Variants in ATRNL1 observed in about 807,000 individuals in gnomAD.
ATRNL1 encodes attractin like 1.
Under a neutral mutation model 182.7 loss-of-function variants are expected in ATRNL1, and 95 were observed. That is an observed-to-expected ratio of 0.52 (90% CI 0.44 to 0.62). The LOEUF (loss-of-function observed/expected upper bound fraction) is 0.62. ATRNL1 is among the 20% of genes least tolerant of loss of function. The pLI is 0.00. For missense variants in ATRNL1, 1,471 were observed against 1,679.5 expected (o/e 0.88, Z 2.17); for synonymous variants, 576 against 568.3 (o/e 1.01, Z -0.19).
chr10:115,881,863 C>A (rs1357519665), intron 28 of ATRNL1, among the ~76,000 whole-genome samples: 1 of 152,164 alleles, frequency 6.6e-6, no homozygotes, highest in Non-Finnish European at 1.5e-5. Flanking sequence ...CCAGGACCTA[C>A]CATTAAATAG....
chr10:115,613,391 C>T (rs969239611), intron 26 of ATRNL1, among the ~76,000 whole-genome samples: 5 of 152,194 alleles, frequency 3.3e-5, no homozygotes, highest in African/African-American at 7.2e-5. Context: ...TGTATTATTG[C>T]GTGTAATCTT....
At chr10:115,222,541 C>T (rs1849508963) in intron 9 of ATRNL1, among the ~76,000 whole-genome samples, 1 of 151,876 alleles carries the variant, frequency 6.6e-6, no homozygotes, top group South Asian at 2.1e-4. Flanking sequence ...AACATGAAGA[C>T]AAAAATTTCA....
At chr10:115,222,835 A>C (rs576979232) in intron 9 of ATRNL1, among the ~76,000 whole-genome samples, 31 of 152,360 alleles carry the variant, frequency 2.0e-4, no homozygotes, top group African/African-American at 7.5e-4. Flanking sequence ...ATGATCCCAG[A>C]TACTGGATGG....
intron 8 of ATRNL1, among the ~76,000 whole-genome samples, chr10:115,211,649 A>G (rs781956680): frequency 6.6e-6 from 1 of 151,732 alleles, no homozygotes; most frequent in African/African-American, 2.4e-5. Context: ...TTTAGAGTAC[A>G]TGTGCACAAT....
In ATRNL1 at chr10:115,526,458, ACT is replaced by A. The variant is rs144353908; in HGVS notation, c.3716+7139_3716+7140del. ...AACATAATGATAATCATTCTACTCC[ACT>A]CTCTTTTGAAGGTGTTTTCCCCATC... is the stretch of plus-strand genomic sequence containing the variant. On this transcript the variant is annotated intron_variant, in intron 25 of 28. Coordinates refer to ENST00000355044, the MANE Select transcript of ATRNL1 (RefSeq NM_207303.4). Among the ~76,000 whole-genome samples the A allele has an allele frequency of 4.9e-3, 736 of 151,732 alleles. 13 individuals are homozygous for A. The highest frequency in any genetic ancestry group is 0.017 in the African/African-American group (708 of 41,360).
chr10:115,715,894 C>A (rs1440608321), intron 26 of ATRNL1, among the ~76,000 whole-genome samples: 3 of 152,162 alleles, frequency 2.0e-5, no homozygotes, highest in Admixed American at 2.0e-4. Flanking sequence ...GACTTAGTAA[C>A]CTCCAGTATT....
rs1554918828 is a variant in ATRNL1, at chr10:115,286,246, T to G, written c.2264T>G (p.Ile755Ser). The change falls in exon 15 of 29, where the codon ATT becomes AGT. Residue 755 changes from isoleucine (I) to serine (S), a missense_variant. Physicochemically the swap from Ile to Ser is moderately radical, Grantham distance 142. This residue lies in a region of ATRNL1 where 1,031 missense variants were observed against 1,156.0 expected (regional missense o/e 0.89). Transcript: ENST00000355044. ...CTTTGTGGAGAAGGATGGAGTCATA[T>G]TGGGGATGCTTGTCTTAGAGTCAAT... ...AHLCGEGWSH[I>S]GDACLRVNSS... The G allele has an allele frequency of 6.3e-7, 1 of 1,593,854 alleles. No individual in the cohort carries two copies. The highest frequency in any genetic ancestry group is 1.7e-5 in the Admixed American group (1 of 59,458).
intron 26 of ATRNL1, among the ~76,000 whole-genome samples, chr10:115,611,054 C>CTTTTTTTTTTTTT (rs3086300): frequency 1.4e-5 from 2 of 147,048 alleles, no homozygotes; most frequent in African/African-American, 2.5e-5. Flanking sequence ...TTTCAAAGGA[C>CTTTTTTTTTTTTT]TTTTTTTTTT....
rs369610666 is a variant in ATRNL1, at chr10:115,753,862, G to A, written c.3903+26507G>A. ...GTTGTTTCCTGACTTTTTAATGATCGCCATTCTAACTGATGTGAGATGGTA... is the reference window on the plus strand; with the variant it reads ...GTTGTTTCCTGACTTTTTAATGATCACCATTCTAACTGATGTGAGATGGTA... On this transcript the variant is annotated intron_variant, in intron 27 of 28. Coordinates refer to ENST00000355044, the MANE Select transcript of ATRNL1 (RefSeq NM_207303.4). 7.2e-5 allele frequency among the ~76,000 whole-genome samples: 11 copies of A among 152,092 alleles called. No homozygotes were observed. In the South Asian group the frequency reaches 1.0e-3, roughly 14 times the overall value.
At chr10:115,673,978 T>C (rs1945781671) in intron 26 of ATRNL1, among the ~76,000 whole-genome samples, 2 of 152,044 alleles carry the variant, frequency 1.3e-5, no homozygotes, top group Non-Finnish European at 2.9e-5. Context: ...ATAAAAAGGC[T>C]ACGAGCCAGC....
intron 21 of ATRNL1, among the ~76,000 whole-genome samples, chr10:115,426,966 G>A (rs372545992): frequency 7.2e-5 from 11 of 151,924 alleles, no homozygotes; most frequent in East Asian, 3.9e-4. Context: ...CTCATGATCC[G>A]CCCACCTTGG....
chr10:115,131,469 G>A (rs190749807), intron 5 of ATRNL1, among the ~76,000 whole-genome samples: 1 of 152,220 alleles, frequency 6.6e-6, no homozygotes, highest in East Asian at 1.9e-4. Context: ...GCCTCAAACT[G>A]ATCCTGATTC....
chr10:115,388,350 T>G (rs1310735930), intron 19 of ATRNL1, among the ~76,000 whole-genome samples: 1 of 152,188 alleles, frequency 6.6e-6, no homozygotes, highest in Non-Finnish European at 1.5e-5. Flanking sequence ...TGTTATATAT[T>G]CATGATGACT....
intron 28 of ATRNL1, among the ~76,000 whole-genome samples, chr10:115,937,572 G>T (rs1313699853): frequency 6.6e-6 from 1 of 152,194 alleles, no homozygotes; most frequent in African/African-American, 2.4e-5. Context: ...ATTGGCGAGG[G>T]TGGCCACACC....
At chr10:115,177,924 G>GTTTTTTTTTTTT (rs587742941) in intron 8 of ATRNL1, among the ~76,000 whole-genome samples, 8 of 81,760 alleles carry the variant, frequency 9.8e-5, no homozygotes, top group South Asian at 4.5e-4. Flanking sequence ...TTTTTTTTTT[G>GTTTTTTTTTTTT]TTTTTTTTTT....
At chr10:115,641,152 T>C (rs1387445302) in intron 26 of ATRNL1, among the ~76,000 whole-genome samples, 1 of 152,196 alleles carries the variant, frequency 6.6e-6, no homozygotes, top group Non-Finnish European at 1.5e-5. Context: ...TTATTAGTAA[T>C]ACAATCATAT....
chr10:115,596,690 G>A (rs2133931524), intron 26 of ATRNL1, among the ~76,000 whole-genome samples: 1 of 152,276 alleles, frequency 6.6e-6, no homozygotes, highest in South Asian at 2.1e-4. Context: ...CCGTGACAGT[G>A]AGAGTAATTG....
intron 19 of ATRNL1, among the ~76,000 whole-genome samples, chr10:115,364,598 A>T (rs1554945316): frequency 1.3e-5 from 2 of 149,300 alleles, no homozygotes; most frequent in African/African-American, 5.0e-5. Flanking sequence ...GTCTTGTGCC[A>T]GTTTTCAAAG....
intron 28 of ATRNL1, among the ~76,000 whole-genome samples, chr10:115,906,134 T>C (rs1555114483): frequency 6.6e-6 from 1 of 152,188 alleles, no homozygotes. Flanking sequence ...ATTGATTGAC[T>C]TTACAACAAG....
Sources: allele counts gnomAD v4.1 joint callset (sites outside exome capture counted in the v4.1 genomes callset), GRCh38; gene constraint gnomAD v4.1.1; regional missense constraint gnomAD v4.1.1; transcripts MANE v1.5; gene names NCBI Gene and HGNC (gene_info 2026-07-23, HGNC 2026-07-21).